The following SMIM27 variants were observed in gnomAD, a reference collection of about 807,000 sequenced individuals.
SMIM27 encodes the protein TOPORS antisense RNA 1 (non-protein coding).
Under a neutral mutation model 1.8 loss-of-function variants are expected in SMIM27, and 3 were observed. That is an observed-to-expected ratio of 1.65 (90% CI 0.75 to 4.28). The LOEUF is 4.28. Among genes scored for constraint, SMIM27 ranks in the 30% most tolerant of loss-of-function variants. SMIM27 has a pLI of 0.02. For synonymous variants in SMIM27, 19 were observed against 13.9 expected (o/e 1.37, Z -0.82); for missense variants, 63 against 37.0 (o/e 1.70, Z -1.83).
At chr9:32,554,023 A>G (rs1005449162), downstream of SMIM27, 5 of 877,302 alleles carry the variant, frequency 5.7e-6, no homozygotes, top group African/African-American at 8.6e-5. Flanking sequence ...TATGTTCATC[A>G]GATCTCACAT....
chr9:32,560,923 A>C (rs1262101411), intron 1 of SMIM27, among the ~76,000 whole-genome samples: 1 of 152,218 alleles, frequency 6.6e-6, no homozygotes, highest in Non-Finnish European at 1.5e-5. Flanking sequence ...ATTTTAAGTC[A>C]CTGTAACCAG....
At chr9:32,565,162 G>A (rs943667133) in intron 1 of SMIM27, among the ~76,000 whole-genome samples, 4 of 151,936 alleles carry the variant, frequency 2.6e-5, no homozygotes, top group Admixed American at 6.6e-5. Flanking sequence ...CCATGGTGGC[G>A]GACACCTGTA....
downstream of SMIM27, chr9:32,554,034 G>T (rs1297194988): frequency 1.3e-6 from 1 of 777,406 alleles, no homozygotes; most frequent in Non-Finnish European, 2.1e-6. Context: ...GATCTCACAT[G>T]GAAAATGTAC....
intron 1 of SMIM27, among the ~76,000 whole-genome samples, chr9:32,562,541 A>C (rs969309981): frequency 5.3e-5 from 8 of 152,210 alleles, no homozygotes; most frequent in African/African-American, 1.9e-4. Flanking sequence ...GACAGTCCTT[A>C]ACTTCTGTCT....
downstream of SMIM27, among the ~76,000 whole-genome samples, chr9:32,555,619 CA>C (rs1196421727): frequency 1.3e-5 from 2 of 152,162 alleles, no homozygotes; most frequent in African/African-American, 2.4e-5. Flanking sequence ...AATGGATGGA[CA>C]AACCAAACAT....
intron 1 of SMIM27, among the ~76,000 whole-genome samples, chr9:32,564,631 T>C (rs144781188): frequency 4.5e-4 from 69 of 152,222 alleles, no homozygotes; most frequent in African/African-American, 1.5e-3. Flanking sequence ...CCCACCCCCA[T>C]GTCCCCCAGG....
upstream of SMIM27, chr9:32,551,213 G>T: frequency 1.7e-6 from 1 of 601,896 alleles, no homozygotes; most frequent in South Asian, 1.9e-5. Context: ...TCAGCCACTG[G>T]GGACACTGAC....
chr9:32,556,796 C>T (rs996884982), downstream of SMIM27, among the ~76,000 whole-genome samples: 5 of 150,058 alleles, frequency 3.3e-5, no homozygotes, highest in African/African-American at 1.2e-4. Flanking sequence ...ACTACCTAGG[C>T]TGTAACACAC....
At chr9:32,566,736 A>T in exon 2 of SMIM27, 1 of 924,256 alleles carries the variant, frequency 1.1e-6, no homozygotes, top group Admixed American at 1.7e-5. Flanking sequence ...CAAGCCTTCA[A>T]ACCACAGCGG....
intron 1 of SMIM27, chr9:32,565,605 T>C (rs1178537556): frequency 6.6e-6 from 1 of 152,598 alleles, no homozygotes; most frequent in East Asian, 1.9e-4. Context: ...TTCTTATCCC[T>C]ACTGACGACT....
downstream of SMIM27, among the ~76,000 whole-genome samples, chr9:32,557,784 CA>C (rs1270086361): frequency 3.3e-5 from 5 of 152,036 alleles, no homozygotes; most frequent in African/African-American, 1.2e-4. Flanking sequence ...GCCCCTCCCC[CA>C]ACTATTTCTT....
chr9:32,552,405 G>A lies in SMIM27; in HGVS notation c.-30G>A. The A allele has an allele frequency of 6.2e-7, 1 of 1,608,330 alleles. No homozygotes were observed. Among genetic ancestry groups the A allele is most frequent in the African/African-American group, 1.3e-5 (1 of 74,992 alleles). ...ACTGTAAGGCCCGCAGCTCCCGCCA[G>A]CTCCCGCGGACTGCTGCCGCCTCCT... is the stretch of plus-strand genomic sequence containing the variant. On this transcript the variant is annotated 5_prime_UTR_variant, in exon 1 of 2. Transcript: ENST00000692500.
intron 1 of SMIM27, among the ~76,000 whole-genome samples, chr9:32,559,112 C>A (rs1289185681): frequency 6.6e-6 from 1 of 152,168 alleles, no homozygotes; most frequent in South Asian, 2.1e-4. Context: ...ACTTAGCTAT[C>A]AAACAGGCAT....
At chr9:32,553,636 C>T (rs556256961), downstream of SMIM27, 20 of 459,650 alleles carry the variant, frequency 4.4e-5, no homozygotes, top group South Asian at 4.8e-4. Flanking sequence ...AATACTTTTC[C>T]ATACCGTTTT....
At chr9:32,551,863 A>G, upstream of SMIM27, 1 of 422,414 alleles carries the variant, frequency 2.4e-6, no homozygotes, top group Non-Finnish European at 4.9e-6. Flanking sequence ...TACGTTTCTG[A>G]AGAATGGCTC....
downstream of SMIM27, chr9:32,553,848 A>C: frequency 6.9e-7 from 1 of 1,450,740 alleles, no homozygotes; most frequent in Non-Finnish European, 9.6e-7. Flanking sequence ...ACTTAGGCTC[A>C]TAAGCCTTTT....
At chr9:32,559,064 T>C in intron 1 of SMIM27, 1 of 663,154 alleles carries the variant, frequency 1.5e-6, no homozygotes, top group East Asian at 2.7e-5. Context: ...TTCACAGAAC[T>C]CCAGATTCAC....
upstream of SMIM27, chr9:32,551,170 GCAGCGCGACCCTCCC>G: frequency 1.5e-6 from 1 of 652,784 alleles, no homozygotes; most frequent in Non-Finnish European, 2.7e-6. Context: ...CCGGAGGAGG[GCAGCGCGACCCTCCC>G]CATCTTGTTA....
At chr9:32,552,723 C>T (rs1046074753) in intron 1 of SMIM27, 78 bp from the exon 2 acceptor site, 2 of 673,502 alleles carry the variant, frequency 3.0e-6, no homozygotes, top group Non-Finnish European at 5.4e-6. Context: ...CCCACCTTAG[C>T]AATGGCAACG....
Sources: allele counts gnomAD v4.1 joint callset (sites outside exome capture counted in the v4.1 genomes callset), GRCh38; gene constraint gnomAD v4.1.1; transcripts MANE v1.5; gene names NCBI Gene and HGNC (gene_info 2026-07-23, HGNC 2026-07-21).